The following WLS variants were observed in gnomAD, a reference collection of about 807,000 sequenced individuals.
WLS encodes the protein Wnt ligand secretion mediator.
A neutral mutation model predicts 62.8 loss-of-function variants in WLS; 23 were observed. That is an observed-to-expected ratio of 0.37 (90% CI 0.26 to 0.52). WLS has a LOEUF of 0.52. Ranked by LOEUF, WLS falls within the 20% of genes least tolerant of loss-of-function variation. WLS has a pLI of 0.92. For synonymous variants in WLS, 246 were observed against 244.1 expected (o/e 1.01, Z -0.07); for missense variants, 615 against 697.3 (o/e 0.88, Z 1.33).
intron 2 of WLS, among the ~76,000 whole-genome samples, chr1:68,192,261 T>TA (rs1395951551): frequency 6.6e-6 from 1 of 152,174 alleles, no homozygotes; most frequent in Admixed American, 6.5e-5. Context: ...CTCCAACTCC[T>TA]AAACAGAGTA....
rs769941407 is a variant in WLS, at chr1:68,232,305, C to T, written c.-6G>A. On this transcript the variant is annotated 5_prime_UTR_variant, in exon 1 of 12. Transcript: ENST00000262348. ...TCTATAATTGCCCCAGCCATTTTTG[C>T]GCCCCCCCTTTTTCTTTTCTCCTTG... The T allele has an allele frequency of 5.0e-6, 8 of 1,612,752 alleles. No individual in the cohort carries two copies. Among genetic ancestry groups the T allele is most frequent in the Non-Finnish European group, 5.1e-6 (6 of 1,179,490 alleles).
At position 68,137,782 on chromosome 1, in the gene WLS, T is replaced by G. The variant is rs764940216; in HGVS notation, c.1514A>C (p.Asn505Thr). ...SHKNYGEDQS[N>T]GDLGVHSGEE... ...GTTCTAAAGAGACAGAAACTCACCA[T>G]TGGACTGGTCTTCTCCATAGTTTTT... The change falls in exon 11 of 12, where the codon AAT becomes ACT. Residue 505 changes from asparagine (N) to threonine (T), a missense_variant and splice_region_variant. Transcript: ENST00000262348. 2.5e-6 allele frequency: 4 copies of G among 1,613,546 alleles called. No homozygotes were observed. The Admixed American group carries it at 6.7e-5, about 27-fold the overall frequency.
chr1:68,162,221 G>T, intron 2 of WLS: 1 of 1,476,430 alleles, frequency 6.8e-7, no homozygotes, highest in Non-Finnish European at 9.5e-7. Flanking sequence ...GCTGCCCCTC[G>T]TATCCTGCCC....
chr1:68,179,859 C>T (rs1353623887), intron 2 of WLS, among the ~76,000 whole-genome samples: 2 of 152,160 alleles, frequency 1.3e-5, no homozygotes, highest in Non-Finnish European at 2.9e-5. Flanking sequence ...AGTTTAAGTG[C>T]TAATAAAGGT....
chr1:68,188,725 A>T (rs1648115441), intron 2 of WLS, among the ~76,000 whole-genome samples: 1 of 152,230 alleles, frequency 6.6e-6, no homozygotes, highest in African/African-American at 2.4e-5. Context: ...GGCAGGATCA[A>T]TATCAGCGAA....
At chr1:68,139,626 C>T (rs377236251) in intron 10 of WLS, among the ~76,000 whole-genome samples, 38 of 152,278 alleles carry the variant, frequency 2.5e-4, no homozygotes, top group Middle Eastern at 3.4e-3. Flanking sequence ...CCTATTCCTG[C>T]GACAGAAGCT....
chr1:68,209,094 C>G (rs918715794), intron 1 of WLS, among the ~76,000 whole-genome samples: 2 of 152,076 alleles, frequency 1.3e-5, no homozygotes, highest in African/African-American at 2.4e-5. Context: ...TCCTTGGCTT[C>G]TACCCACTAG....
rs184420625 is a variant in WLS, at chr1:68,119,168, C to T, written c.1510+18612G>A. Among the ~76,000 whole-genome samples, 11 of 152,058 alleles carry T rather than the reference C, an allele frequency of 7.2e-5. No individual in the cohort carries two copies. The East Asian group carries it at 2.1e-3, about 29-fold the overall frequency. ...CATGTTATAGAAGACAACACAATAA[C>T]ATAGAAAGATTTCCTAGATATATTT... On this transcript the variant is annotated intron_variant, in intron 11 of 11. Transcript: ENST00000354777.
rs778570797 is a variant in WLS at position 68,098,797 on chromosome 1, TA to T, written c.1511-45del. ...TTTAAAACCATGCAAAATATCCTTTTAAAAAAATATGTAACATGGAGTTTAG... is the reference window on the plus strand; with the variant it reads ...TTTAAAACCATGCAAAATATCCTTTTAAAAAATATGTAACATGGAGTTTAG... On this transcript the variant is annotated intron_variant, in intron 11 of 11. Coordinates refer to the WLS transcript ENST00000354777. 5 of 1,589,016 alleles carry T rather than the reference TA, an allele frequency of 3.1e-6. No individual in the cohort carries two copies. The South Asian group carries it at 3.4e-5, about 11-fold the overall frequency.
chr1:68,150,450 T>A, intron 5 of WLS, 94 bp from the exon 6 acceptor site: 1 of 1,516,760 alleles, frequency 6.6e-7, no homozygotes, highest in Non-Finnish European at 9.0e-7. Flanking sequence ...ACATGAGATG[T>A]TACTTATTGG....
rs541390429 is a variant in WLS at position 68,109,427 on chromosome 1, A to G, written c.1511-10674T>C. On this transcript the variant is annotated intron_variant, in intron 11 of 11. Coordinates refer to the WLS transcript ENST00000354777. Reference sequence around the variant, plus strand: ...CTATAAGCAAGAGGTAGAAGAGATGAGGTATGCCAGACTTCTACTTCTAAG... The same window carrying G: ...CTATAAGCAAGAGGTAGAAGAGATGGGGTATGCCAGACTTCTACTTCTAAG... 1.5e-4 allele frequency among the ~76,000 whole-genome samples: 23 copies of G among 152,370 alleles called. No homozygotes were observed. The East Asian group carries it at 4.0e-3, about 27-fold the overall frequency.
At chr1:68,118,176 G>A (rs918789065) in intron 11 of WLS, among the ~76,000 whole-genome samples, 7 of 152,162 alleles carry the variant, frequency 4.6e-5, no homozygotes, top group Non-Finnish European at 8.8e-5. Flanking sequence ...TGAGCTACCC[G>A]TGTAACAGAC....
chr1:68,110,271 T>C (rs949810691), intron 11 of WLS, among the ~76,000 whole-genome samples: 4 of 151,878 alleles, frequency 2.6e-5, no homozygotes, highest in African/African-American at 9.7e-5. Context: ...CCAAAAGAGA[T>C]AGCAAGAATA....
intron 3 of WLS, among the ~76,000 whole-genome samples, chr1:68,158,242 G>T (rs548991000): frequency 6.6e-6 from 1 of 152,248 alleles, no homozygotes; most frequent in Non-Finnish European, 1.5e-5. Context: ...AACCTCTCAG[G>T]TGATGCTGCC....
intron 1 of WLS, among the ~76,000 whole-genome samples, chr1:68,226,348 T>G (rs1369203249): frequency 1.3e-5 from 2 of 152,214 alleles, no homozygotes; most frequent in Non-Finnish European, 2.9e-5. Flanking sequence ...TAGATCTTTC[T>G]GCACCTCAGT....
chr1:68,169,464 C>T (rs1647114034), intron 2 of WLS, among the ~76,000 whole-genome samples: 1 of 152,158 alleles, frequency 6.6e-6, no homozygotes, highest in African/African-American at 2.4e-5. Context: ...ACACGTTCAC[C>T]CTGAAGGATT....
intron 11 of WLS, among the ~76,000 whole-genome samples, chr1:68,110,294 TTA>T (rs1646207685): frequency 6.6e-6 from 1 of 152,016 alleles, no homozygotes; most frequent in South Asian, 2.1e-4. Context: ...CTACACTACT[TTA>T]TGTCTATACA....
At chr1:68,151,604 T>TG (rs1178223668) in intron 5 of WLS, among the ~76,000 whole-genome samples, 1 of 151,518 alleles carries the variant, frequency 6.6e-6, no homozygotes, top group Non-Finnish European at 1.5e-5. Context: ...ATGAGCATCA[T>TG]GAAAAAAAAA....
intron 2 of WLS, among the ~76,000 whole-genome samples, chr1:68,165,651 C>A (rs947515219): frequency 6.6e-6 from 1 of 152,124 alleles, no homozygotes; most frequent in Admixed American, 6.5e-5. Flanking sequence ...GCACGCAAGG[C>A]CCCTCTCTTT....
Sources: gnomAD v4.1 joint callset for allele counts (sites outside exome capture counted in the v4.1 genomes callset) on GRCh38, gnomAD v4.1.1 for gene constraint, MANE v1.5 for transcripts, NCBI Gene and HGNC (gene_info 2026-07-23, HGNC 2026-07-21) for gene names.